RBM47: variants seen among roughly 807,000 people sequenced by gnomAD.
RBM47 encodes the protein RNA binding motif protein 47, also known as RNA-binding protein 47.
In RBM47, 21 loss-of-function variants were observed where a neutral mutation model predicts 47.1. The ratio of observed to expected loss-of-function variants is 0.45; its 90% CI spans 0.32 to 0.64. The LOEUF (loss-of-function observed/expected upper bound fraction) is 0.64, where lower values mean the gene tolerates loss of function less well. Among genes scored for constraint, RBM47 ranks in the 30% least tolerant of loss-of-function variants. The probability of loss-of-function intolerance (pLI) is 0.05; values close to 1 mark genes in which losing one functional copy is unlikely to be tolerated. For missense variants in RBM47, 708 were observed against 870.9 expected (o/e 0.81, Z 2.35); for synonymous variants, 375 against 361.7 (o/e 1.04, Z -0.42).
At chr4:40,598,848 CAAAA>C (rs34007215) in intron 1 of RBM47, among the ~76,000 whole-genome samples, 413 of 137,558 alleles carry the variant, frequency 3.0e-3, no homozygotes, top group Non-Finnish European at 3.8e-3. Context: ...CTTGTAAAAC[CAAAA>C]AAAAAAAAAA....
At chr4:40,605,502 T>C (rs1735679463) in intron 1 of RBM47, among the ~76,000 whole-genome samples, 1 of 152,174 alleles carries the variant, frequency 6.6e-6, no homozygotes, top group Non-Finnish European at 1.5e-5. Flanking sequence ...CATTTCATTT[T>C]CAAGGTTTGG....
chr4:40,534,077 A>G (rs762177955), intron 2 of RBM47, among the ~76,000 whole-genome samples: 1 of 151,650 alleles, frequency 6.6e-6, no homozygotes, highest in Admixed American at 6.6e-5. Context: ...GGCCTCCCCA[A>G]AGTGCTGGGA....
At chr4:40,436,029 G>A (rs956943664) in intron 5 of RBM47, among the ~76,000 whole-genome samples, 22 of 146,554 alleles carry the variant, frequency 1.5e-4, no homozygotes, top group Admixed American at 1.2e-3. Flanking sequence ...AAAATTAGCC[G>A]GGCATGGTGG....
rs902111776 is a variant in RBM47, at chr4:40,600,180, A to T, written c.-240+29216T>A. The stretch of plus-strand genomic sequence containing the variant: ...TAATACCTGGCTAATTTTTTTATGA[A>T]TTTTTTTTTTTTTGTAGAGACAGGG... On this transcript the variant is annotated intron_variant, in intron 1 of 6. Coordinates refer to ENST00000295971, the MANE Select transcript of RBM47 (RefSeq NM_001098634.2). Among the ~76,000 whole-genome samples, 30 of 144,986 alleles carry T rather than the reference A, an allele frequency of 2.1e-4. No homozygotes were observed. The South Asian group carries it at 3.5e-3, about 17-fold the overall frequency.
chr4:40,608,815 T>A (rs115764587), intron 1 of RBM47, among the ~76,000 whole-genome samples: 1 of 152,212 alleles, frequency 6.6e-6, no homozygotes, highest in African/African-American at 2.4e-5. Flanking sequence ...GAAGTAAATG[T>A]AAATAGCAGA....
At chr4:40,453,756 T>G (rs1482018368) in intron 3 of RBM47, among the ~76,000 whole-genome samples, 1 of 152,054 alleles carries the variant, frequency 6.6e-6, no homozygotes, top group Non-Finnish European at 1.5e-5. Context: ...TAAAAGAGAA[T>G]AGCCAGCTTA....
chr4:40,476,564 A>G (rs576364800), intron 2 of RBM47, among the ~76,000 whole-genome samples: 15 of 152,222 alleles, frequency 9.9e-5, no homozygotes, highest in African/African-American at 3.6e-4. Flanking sequence ...AACCATCTGT[A>G]CACAACAACA....
chr4:40,579,123 TA>T (rs745819109), intron 1 of RBM47, among the ~76,000 whole-genome samples: 253 of 124,958 alleles, frequency 2.0e-3, no homozygotes, highest in Middle Eastern at 0.011. Context: ...TATCTTAAAT[TA>T]AAAAAAAAAA....
chr4:40,550,079 A>C (rs553760170), intron 1 of RBM47, among the ~76,000 whole-genome samples: 57 of 152,306 alleles, frequency 3.7e-4, no homozygotes, highest in Middle Eastern at 3.4e-3. Context: ...GAGGATAACC[A>C]CCACCACAGC....
Position 40,473,690 on chromosome 4 carries a change from C to G in RBM47, c.-154-6991G>C, listed in dbSNP as rs557548303. 9.2e-5 allele frequency among the ~76,000 whole-genome samples: 14 copies of G among 152,240 alleles called. 1 individual carries two copies. In the South Asian group the frequency reaches 2.9e-3, roughly 32 times the overall value. On this transcript the variant is annotated intron_variant, in intron 2 of 6. Coordinates refer to ENST00000295971, the MANE Select transcript of RBM47 (RefSeq NM_001098634.2). ...TCTGGTGTTCTGACTTGTTTCCTAG[C>G]TTCTTAAAAAACTATCACACTTTAG...
chr4:40,554,249 C>G (rs142067590), intron 1 of RBM47, among the ~76,000 whole-genome samples: 309 of 152,132 alleles, frequency 2.0e-3, no homozygotes, highest in Non-Finnish European at 3.0e-3. Flanking sequence ...TTGAGTCATG[C>G]GTCATTTACT....
intron 3 of RBM47, among the ~76,000 whole-genome samples, chr4:40,456,546 CTTTT>C (rs772807820): frequency 8.4e-6 from 1 of 118,758 alleles, no homozygotes; most frequent in Non-Finnish European, 1.8e-5. Flanking sequence ...GTCCCATTTT[CTTTT>C]TTTTTTTTCT....
intron 6 of RBM47, among the ~76,000 whole-genome samples, chr4:40,432,286 T>C (rs1716276695): frequency 6.6e-6 from 1 of 151,654 alleles, no homozygotes; most frequent in South Asian, 2.1e-4. Context: ...GAGCTGCAGT[T>C]TGAAATGTGA....
intron 1 of RBM47, among the ~76,000 whole-genome samples, chr4:40,598,619 A>T (rs533543779): frequency 2.0e-5 from 3 of 152,306 alleles, no homozygotes; most frequent in African/African-American, 7.2e-5. Context: ...AAATAGGTGA[A>T]TTTTTAAAAA....
At chr4:40,498,453 G>A (rs1722930084) in intron 2 of RBM47, among the ~76,000 whole-genome samples, 1 of 151,830 alleles carries the variant, frequency 6.6e-6, no homozygotes, top group Non-Finnish European at 1.5e-5. Flanking sequence ...TCCCTGCGGG[G>A]GGATCACCTG....
chr4:40,505,741 A>T (rs1724013766), intron 2 of RBM47, among the ~76,000 whole-genome samples: 1 of 151,706 alleles, frequency 6.6e-6, no homozygotes, highest in Non-Finnish European at 1.5e-5. Context: ...CAAAAAAAAA[A>T]ATAGCTGGTT....
chr4:40,592,441 TA>T (rs1436321734), intron 1 of RBM47, among the ~76,000 whole-genome samples: 19 of 149,582 alleles, frequency 1.3e-4, no homozygotes, highest in Admixed American at 8.0e-4. Flanking sequence ...TTTTTTTTTT[TA>T]AGACAGAGTT....
intron 1 of RBM47, among the ~76,000 whole-genome samples, chr4:40,594,242 A>T (rs1734552487): frequency 6.6e-6 from 1 of 152,134 alleles, no homozygotes; most frequent in Non-Finnish European, 1.5e-5. Flanking sequence ...ATTTCTCTTA[A>T]TTTGAGGGTA....
intron 2 of RBM47, among the ~76,000 whole-genome samples, chr4:40,516,459 C>A (rs1028561445): frequency 9.9e-5 from 15 of 151,566 alleles, no homozygotes; most frequent in African/African-American, 3.6e-4. Flanking sequence ...AGGGTTTCAC[C>A]ATGTTGGCCA....
Sources: allele counts gnomAD v4.1 joint callset (sites outside exome capture counted in the v4.1 genomes callset), GRCh38; gene constraint gnomAD v4.1.1; transcripts MANE v1.5; gene names NCBI Gene and HGNC (gene_info 2026-07-23, HGNC 2026-07-21).